Variants in SEMA3C observed in about 807,000 individuals in gnomAD.
SEMA3C encodes semaphorin 3C.
Under a neutral mutation model 89.4 loss-of-function variants are expected in SEMA3C, and 47 were observed. The ratio of observed to expected loss-of-function variants is 0.53; its 90% CI spans 0.42 to 0.67. SEMA3C has a LOEUF of 0.67. Ranked by LOEUF, SEMA3C falls within the 30% of genes least tolerant of loss-of-function variation. The probability of loss-of-function intolerance (pLI) is 0.00; values close to 1 mark genes in which losing one functional copy is unlikely to be tolerated. For missense variants in SEMA3C, 839 were observed against 929.1 expected (o/e 0.90, Z 1.26); for synonymous variants, 310 against 320.2 (o/e 0.97, Z 0.34).
chr7:80,806,231 C>G (rs996920351), intron 6 of SEMA3C, among the ~76,000 whole-genome samples: 3 of 152,060 alleles, frequency 2.0e-5, no homozygotes, highest in Non-Finnish European at 4.4e-5. Context: ...CATCTAGAGT[C>G]TCAACCTTCT....
intron 2 of SEMA3C, among the ~76,000 whole-genome samples, chr7:80,869,150 G>A (rs1562915393): frequency 1.3e-5 from 2 of 152,052 alleles, no homozygotes; most frequent in Non-Finnish European, 2.9e-5. Flanking sequence ...ATTTTTAGTC[G>A]CTGGAATGAA....
At chr7:80,799,216 C>CA (rs1223619829) in intron 10 of SEMA3C, among the ~76,000 whole-genome samples, 8 of 152,018 alleles carry the variant, frequency 5.3e-5, no homozygotes, top group Admixed American at 5.2e-4. Flanking sequence ...TATTTAAAAA[C>CA]AACTTACTTG....
In SEMA3C at chr7:80,879,395, G is replaced by A. The variant is rs185446825; in HGVS notation, c.103+37284C>T. ...GAATGAAATAACCTTCACAAAAGGG[G>A]CATGTGATTCTTTTCAGTCAGCAGG... On this transcript the variant is annotated intron_variant, in intron 2 of 17. Coordinates refer to ENST00000265361, the MANE Select transcript of SEMA3C (RefSeq NM_006379.5). Among the ~76,000 whole-genome samples the A allele has an allele frequency of 2.0e-5, 3 of 152,280 alleles. No individual in the cohort carries two copies. In the East Asian group the frequency reaches 5.8e-4, roughly 30 times the overall value.
intron 12 of SEMA3C, among the ~76,000 whole-genome samples, chr7:80,788,543 G>A (rs1788857553): frequency 6.6e-6 from 1 of 152,102 alleles, no homozygotes; most frequent in South Asian, 2.1e-4. Context: ...TGATATTACT[G>A]GTCCAGGGAC....
intron 17 of SEMA3C, among the ~76,000 whole-genome samples, chr7:80,746,748 G>GTGTGTGTGTGTGTGTGTGT (rs1173019981): frequency 2.5e-4 from 4 of 16,102 alleles, no homozygotes; most frequent in South Asian, 4.4e-3. Context: ...TGTGTGTGTG[G>GTGTGTGTGTGTGTGTGTGT]AGGGGAGGAA....
At chr7:80,790,077 G>T (rs1056993955) in intron 11 of SEMA3C, among the ~76,000 whole-genome samples, 2 of 152,042 alleles carry the variant, frequency 1.3e-5, no homozygotes, top group African/African-American at 4.8e-5. Flanking sequence ...GAAGCCAGGG[G>T]TTCAAGACCA....
intron 8 of SEMA3C, among the ~76,000 whole-genome samples, chr7:80,803,381 G>A (rs141068006): frequency 7.9e-4 from 121 of 152,258 alleles, no homozygotes; most frequent in Middle Eastern, 3.4e-3. Flanking sequence ...CCCTTCTGCT[G>A]ACTTCGCTGC....
chr7:80,919,203 C>G (rs1456120816), upstream of SEMA3C: 1 of 984,952 alleles, frequency 1.0e-6, no homozygotes. Context: ...CGCGAGGCCC[C>G]ACCCCGAGCG....
chr7:80,798,004 A>C, intron 11 of SEMA3C, 88 bp downstream of exon 11: 1 of 1,373,462 alleles, frequency 7.3e-7, no homozygotes, highest in African/African-American at 1.5e-5. Flanking sequence ...TCTCAAAAAA[A>C]AACCCCAAAA....
intron 15 of SEMA3C, among the ~76,000 whole-genome samples, chr7:80,756,340 C>T (rs960160687): frequency 6.6e-6 from 1 of 151,320 alleles, no homozygotes. Context: ...TTTTTGCCAC[C>T]TCTTCCTTTA....
At chr7:80,848,692 C>T (rs1450138347) in intron 2 of SEMA3C, among the ~76,000 whole-genome samples, 1 of 152,132 alleles carries the variant, frequency 6.6e-6, no homozygotes. Flanking sequence ...TTTTAGAAAA[C>T]ATAAGCAAAA....
intron 12 of SEMA3C, among the ~76,000 whole-genome samples, chr7:80,781,512 T>G (rs1298293473): frequency 6.6e-6 from 1 of 152,182 alleles, no homozygotes; most frequent in Admixed American, 6.5e-5. Context: ...CCAAGTTCAA[T>G]AAAAAATTTT....
chr7:80,836,620 G>T (rs998679952), intron 2 of SEMA3C, among the ~76,000 whole-genome samples: 1 of 152,172 alleles, frequency 6.6e-6, no homozygotes, highest in Non-Finnish European at 1.5e-5. Flanking sequence ...GGAGATTGCA[G>T]AGAGCAGAGA....
chr7:80,881,450 T>C (rs1791338094), intron 2 of SEMA3C, among the ~76,000 whole-genome samples: 2 of 152,194 alleles, frequency 1.3e-5, no homozygotes, highest in African/African-American at 4.8e-5. Context: ...GAAAACAGAA[T>C]TGATACTTCC....
intron 2 of SEMA3C, among the ~76,000 whole-genome samples, chr7:80,842,461 C>T (rs1019137457): frequency 3.9e-5 from 6 of 152,120 alleles, no homozygotes; most frequent in African/African-American, 1.2e-4. Flanking sequence ...ATTTATTTTA[C>T]AAAATGCTGC....
At chr7:80,838,700 A>G (rs1415248817) in intron 2 of SEMA3C, among the ~76,000 whole-genome samples, 1 of 152,168 alleles carries the variant, frequency 6.6e-6, no homozygotes, top group East Asian at 1.9e-4. Context: ...ATCATGGTGA[A>G]TGGCAAAGGG....
intron 2 of SEMA3C, among the ~76,000 whole-genome samples, chr7:80,832,904 T>A (rs557036443): frequency 3.3e-4 from 51 of 152,308 alleles, no homozygotes; most frequent in African/African-American, 6.3e-4. Flanking sequence ...ACTGATATTA[T>A]CTTTTGAGGG....
intron 2 of SEMA3C, among the ~76,000 whole-genome samples, chr7:80,882,364 T>A (rs924430654): frequency 6.6e-6 from 1 of 150,628 alleles, no homozygotes; most frequent in Non-Finnish European, 1.5e-5. Flanking sequence ...GATCACTGTA[T>A]AGCGCTGAGT....
chr7:80,852,023 A>G (rs1238194566), intron 2 of SEMA3C, among the ~76,000 whole-genome samples: 1 of 152,182 alleles, frequency 6.6e-6, no homozygotes, highest in Non-Finnish European at 1.5e-5. Context: ...GATCTTCTCT[A>G]AATGCCTGAG....
Sources: allele counts gnomAD v4.1 joint callset (sites outside exome capture counted in the v4.1 genomes callset), GRCh38; gene constraint gnomAD v4.1.1; transcripts MANE v1.5; gene names NCBI Gene and HGNC (gene_info 2026-07-23, HGNC 2026-07-21).